Variants in ARNT2 observed in about 807,000 individuals in gnomAD.
ARNT2 encodes the protein aryl hydrocarbon receptor nuclear translocator 2, also known as ARNT protein 2.
A neutral mutation model predicts 91.7 loss-of-function variants in ARNT2; 36 were observed. The observed-to-expected ratio is 0.39, with a 90% confidence interval of 0.30 to 0.52. The LOEUF is 0.52. ARNT2 is among the 20% of genes least tolerant of loss of function. The pLI, the probability that ARNT2 is intolerant of heterozygous loss-of-function variation, is 0.72. For missense variants in ARNT2, 775 were observed against 939.3 expected (o/e 0.83, Z 2.29); for synonymous variants, 365 against 347.1 (o/e 1.05, Z -0.57).
At chr15:80,534,177 T>C (rs568060813) in intron 8 of ARNT2, among the ~76,000 whole-genome samples, 1 of 152,182 alleles carries the variant, frequency 6.6e-6, no homozygotes, top group Non-Finnish European at 1.5e-5. Context: ...ATTTGATCAT[T>C]GAGGGGCAGG....
intron 1 of ARNT2, among the ~76,000 whole-genome samples, chr15:80,433,373 C>T (rs1896040360): frequency 6.6e-6 from 1 of 151,528 alleles, no homozygotes; most frequent in Non-Finnish European, 1.5e-5. Context: ...GCAACCTCTG[C>T]CTCCCAGGTT....
At chr15:80,535,240 G>C (rs189137857) in intron 8 of ARNT2, among the ~76,000 whole-genome samples, 7 of 152,312 alleles carry the variant, frequency 4.6e-5, no homozygotes, top group Admixed American at 2.0e-4. Flanking sequence ...TTCTCCTTTA[G>C]TCCCAGAGTT....
Position 80,505,998 on chromosome 15 carries a change from G to T in ARNT2, c.623-2158G>T, listed in dbSNP as rs367653655. Among the ~76,000 whole-genome samples the T allele has an allele frequency of 2.9e-5, 4 of 139,800 alleles. No individual in the cohort carries two copies. In the South Asian group the frequency reaches 9.3e-4, roughly 33 times the overall value. The allele number at this position is 139,800 out of a possible 152,430, so 91.7% of individuals were successfully genotyped here. A position where few individuals can be genotyped will look rare whatever the true frequency, so the allele number is the denominator to read the frequency against. On this transcript the variant is annotated intron_variant, in intron 5 of 18. Transcript: ENST00000303329. The stretch of plus-strand genomic sequence containing the variant: ...AGGCCGTACTGCGGACCGCAGTGGC[G>T]CAATCTCGGCTCACTGAAAGCTCCG...
intron 8 of ARNT2, among the ~76,000 whole-genome samples, chr15:80,519,305 A>T (rs567431283): frequency 6.6e-6 from 1 of 152,172 alleles, no homozygotes; most frequent in Non-Finnish European, 1.5e-5. Flanking sequence ...AAGGGTGGAT[A>T]TGGGGGGAAG....
intron 3 of ARNT2, among the ~76,000 whole-genome samples, chr15:80,465,760 T>C (rs1896643424): frequency 6.6e-6 from 1 of 152,196 alleles, no homozygotes; most frequent in Non-Finnish European, 1.5e-5. Flanking sequence ...ATGTCGTGGC[T>C]CCTCTCAGCC....
intron 1 of ARNT2, among the ~76,000 whole-genome samples, chr15:80,449,300 A>G (rs1319434335): frequency 1.3e-5 from 2 of 152,186 alleles, no homozygotes; most frequent in Admixed American, 6.5e-5. Flanking sequence ...AGTGACTTTC[A>G]TTGTCATCTG....
At chr15:80,474,802 G>A (rs1300645615) in intron 4 of ARNT2, among the ~76,000 whole-genome samples, 1 of 152,070 alleles carries the variant, frequency 6.6e-6, no homozygotes, top group Non-Finnish European at 1.5e-5. Flanking sequence ...GGCTAACCGT[G>A]TTTACAGTAG....
chr15:80,560,634 CT>C (rs1232837092), intron 11 of ARNT2, among the ~76,000 whole-genome samples: 5 of 152,352 alleles, frequency 3.3e-5, no homozygotes, highest in African/African-American at 1.2e-4. Flanking sequence ...CCTTCCTGTG[CT>C]TCCTCAGAGT....
chr15:80,421,436 GGAGGGAAA>G (rs1895860446), intron 1 of ARNT2, among the ~76,000 whole-genome samples: 1 of 142,864 alleles, frequency 7.0e-6, no homozygotes. Flanking sequence ...AGGGAGGGAG[GGAGGGAAA>G]GAAAGAAGGA....
chr15:80,535,626 C>T (rs1897809033), intron 8 of ARNT2, among the ~76,000 whole-genome samples: 1 of 152,068 alleles, frequency 6.6e-6, no homozygotes, highest in Admixed American at 6.6e-5. Flanking sequence ...GTCTTTAAAA[C>T]ATTATGAAGG....
At chr15:80,446,927 T>A (rs1896314721) in intron 1 of ARNT2, among the ~76,000 whole-genome samples, 1 of 152,224 alleles carries the variant, frequency 6.6e-6, no homozygotes, top group Non-Finnish European at 1.5e-5. Context: ...GTCTTCCACA[T>A]GAAACCCTTT....
At chr15:80,583,943 A>G (rs1251437956) in intron 17 of ARNT2, among the ~76,000 whole-genome samples, 1 of 152,252 alleles carries the variant, frequency 6.6e-6, no homozygotes, top group Non-Finnish European at 1.5e-5. Context: ...GCATGGAAAA[A>G]GCATATAAAA....
Position 80,559,987 on chromosome 15 carries a change from G to T in ARNT2, c.1165-3101G>T, listed in dbSNP as rs77298235. On this transcript the variant is annotated intron_variant, in intron 11 of 18. Coordinates refer to ENST00000303329, the MANE Select transcript of ARNT2 (RefSeq NM_014862.4). ...TCAGGTTTCCCAGCCTCCCAACATT[G>T]GCCCATTGCTGTGCCTTCTGCCAGG... 8.3e-3 allele frequency: 1,273 copies of T among 152,496 alleles called. 26 individuals carry two copies. Among genetic ancestry groups the T allele is most frequent in the African/African-American group, 0.029 (1,194 of 41,532 alleles). 9.4% of individuals were successfully genotyped at this position (152,496 alleles called of 1,614,324 possible). A position where few individuals can be genotyped will look rare whatever the true frequency, so the allele number is the denominator to read the frequency against.
chr15:80,460,372 C>T (rs1896534614), intron 3 of ARNT2, among the ~76,000 whole-genome samples: 1 of 152,206 alleles, frequency 6.6e-6, no homozygotes, highest in South Asian at 2.1e-4. Context: ...CACAGCCAGG[C>T]CCATCACAGC....
At chr15:80,457,885 G>A (rs1896501965) in intron 2 of ARNT2, 44 bp from the exon 3 acceptor site, 2 of 1,606,090 alleles carry the variant, frequency 1.2e-6, no homozygotes, top group South Asian at 1.1e-5. Context: ...CAGTTAAAAT[G>A]TTCTCCTAAT....
At chr15:80,469,933 A>G (rs1896709792) in intron 3 of ARNT2, among the ~76,000 whole-genome samples, 1 of 152,186 alleles carries the variant, frequency 6.6e-6, no homozygotes, top group Non-Finnish European at 1.5e-5. Context: ...TCAATTTTTT[A>G]TGCTTACAAA....
chr15:80,517,760 CT>C (rs1897464402), intron 8 of ARNT2, among the ~76,000 whole-genome samples: 1 of 151,994 alleles, frequency 6.6e-6, no homozygotes, highest in Admixed American at 6.6e-5. Context: ...CAAAACTCTC[CT>C]TGACTGTTTT....
Position 80,580,142 on chromosome 15 carries a change from G to A in ARNT2, c.1614-269G>A, listed in dbSNP as rs113059020. The A allele has an allele frequency of 8.2e-4, 370 of 448,864 alleles. 2 individuals are homozygous for A. Among genetic ancestry groups the A allele is most frequent in the African/African-American group, 6.3e-3 (320 of 50,802 alleles). 27.8% of individuals were successfully genotyped at this position (448,864 alleles called of 1,614,324 possible). On this transcript the variant is annotated intron_variant, in intron 15 of 18. Coordinates refer to ENST00000303329, the MANE Select transcript of ARNT2 (RefSeq NM_014862.4). ...GCATAGGATAGGGGCTGAAGAGTGC[G>A]TGGGAGACCCTGGGGAGAACGAGGA... is the stretch of plus-strand genomic sequence containing the variant.
chr15:80,460,868 C>G (rs1896542353), intron 3 of ARNT2, among the ~76,000 whole-genome samples: 1 of 152,106 alleles, frequency 6.6e-6, no homozygotes, highest in South Asian at 2.1e-4. Context: ...AGGAGTGACG[C>G]TGGGGAGAGA....
Sources: allele counts gnomAD v4.1 joint callset (sites outside exome capture counted in the v4.1 genomes callset), GRCh38; gene constraint gnomAD v4.1.1; transcripts MANE v1.5; gene names NCBI Gene and HGNC (gene_info 2026-07-23, HGNC 2026-07-21).